The following ADAMTS12 variants were observed in gnomAD, a reference collection of about 807,000 sequenced individuals.
ADAMTS12 encodes A disintegrin and metalloproteinase with thrombospondin motifs 12.
In ADAMTS12, 118 loss-of-function variants were observed where a neutral mutation model predicts 167.8. That is an observed-to-expected ratio of 0.70 (90% CI 0.61 to 0.82). ADAMTS12 has a LOEUF of 0.82. Ranked by LOEUF, ADAMTS12 falls within the 40% of genes least tolerant of loss-of-function variation. ADAMTS12 has a pLI of 0.00. For synonymous variants in ADAMTS12, 704 were observed against 716.9 expected (o/e 0.98, Z 0.29); for missense variants, 1,916 against 1,998.8 (o/e 0.96, Z 0.79).
intron 19 of ADAMTS12, among the ~76,000 whole-genome samples, chr5:33,569,876 A>G (rs1227015319): frequency 6.6e-6 from 1 of 152,242 alleles, no homozygotes; most frequent in Non-Finnish European, 1.5e-5. Context: ...TATAACTAGA[A>G]TAACCAATAT....
At chr5:33,838,729 G>T (rs1196562655) in intron 2 of ADAMTS12, among the ~76,000 whole-genome samples, 1 of 152,008 alleles carries the variant, frequency 6.6e-6, no homozygotes, top group African/African-American at 2.4e-5. Flanking sequence ...TGGAGAGAGG[G>T]AGAAGAAAGG....
intron 2 of ADAMTS12, among the ~76,000 whole-genome samples, chr5:33,791,448 C>T (rs1746565085): frequency 6.6e-6 from 1 of 152,128 alleles, no homozygotes; most frequent in South Asian, 2.1e-4. Flanking sequence ...TATATCCTTG[C>T]TGTGCCTAGA....
At chr5:33,716,671 A>C (rs1475939887) in intron 3 of ADAMTS12, among the ~76,000 whole-genome samples, 1 of 152,204 alleles carries the variant, frequency 6.6e-6, no homozygotes, top group East Asian at 1.9e-4. Flanking sequence ...ATTGAAAATT[A>C]AATTTCAATA....
chr5:33,608,208 A>G (rs73080366), intron 16 of ADAMTS12, among the ~76,000 whole-genome samples: 2,813 of 152,306 alleles, frequency 0.018, 97 homozygotes, highest in African/African-American at 0.064. Context: ...GGGAAGGAGG[A>G]AAGACACACA....
chr5:33,726,658 G>T (rs1231701365), intron 3 of ADAMTS12, among the ~76,000 whole-genome samples: 1 of 150,886 alleles, frequency 6.6e-6, no homozygotes, highest in African/African-American at 2.5e-5. Context: ...TGGTTGAAGT[G>T]TGGCCACTGT....
intron 2 of ADAMTS12, among the ~76,000 whole-genome samples, chr5:33,780,374 G>T (rs1455874747): frequency 6.6e-6 from 1 of 152,076 alleles, no homozygotes; most frequent in African/African-American, 2.4e-5. Context: ...CTAGAATTCT[G>T]ATCTCATCAT....
chr5:33,535,266 G>C (rs1744334087), intron 22 of ADAMTS12, among the ~76,000 whole-genome samples: 1 of 152,190 alleles, frequency 6.6e-6, no homozygotes, highest in African/African-American at 2.4e-5. Context: ...AGAATGGCCT[G>C]ATGCCTTTCG....
chr5:33,772,370 T>G (rs1745770557), intron 2 of ADAMTS12, among the ~76,000 whole-genome samples: 1 of 152,070 alleles, frequency 6.6e-6, no homozygotes, highest in South Asian at 2.1e-4. Context: ...CTTCAACCCA[T>G]CTCACAGTCC....
At chr5:33,649,985 C>G (rs1740816026) in intron 7 of ADAMTS12, among the ~76,000 whole-genome samples, 1 of 152,220 alleles carries the variant, frequency 6.6e-6, no homozygotes, top group African/African-American at 2.4e-5. Flanking sequence ...GTCTGGCTTT[C>G]TTTCTATGAA....
At chr5:33,628,883 C>T (rs1412110863) in intron 13 of ADAMTS12, among the ~76,000 whole-genome samples, 1 of 152,170 alleles carries the variant, frequency 6.6e-6, no homozygotes, top group Non-Finnish European at 1.5e-5. Context: ...TCTTAACTGG[C>T]TCCCACAAAG....
At chr5:33,558,467 A>G (rs1303111069) in intron 20 of ADAMTS12, among the ~76,000 whole-genome samples, 6 of 152,150 alleles carry the variant, frequency 3.9e-5, no homozygotes, top group African/African-American at 1.2e-4. Context: ...TCAGGGCACT[A>G]CAGAGATTAA....
chr5:33,560,906 A>C (rs1745714994), intron 20 of ADAMTS12, 121 bp downstream of exon 20: 1 of 1,295,152 alleles, frequency 7.7e-7, no homozygotes, highest in African/African-American at 1.8e-5. Flanking sequence ...GTACCCTAGA[A>C]CTTTAATTAA....
intron 14 of ADAMTS12, among the ~76,000 whole-genome samples, chr5:33,616,864 C>T (rs559121063): frequency 6.6e-6 from 1 of 152,294 alleles, no homozygotes; most frequent in South Asian, 2.1e-4. Context: ...AAGAGGCATA[C>T]TGGTGAAAAA....
intron 5 of ADAMTS12, among the ~76,000 whole-genome samples, chr5:33,663,535 T>C (rs1016912657): frequency 3.3e-5 from 5 of 152,236 alleles, no homozygotes; most frequent in Non-Finnish European, 4.4e-5. Flanking sequence ...TCTCTTTTAA[T>C]TGCATCTACT....
chr5:33,776,091 T>C lies in ADAMTS12; in HGVS notation c.490-24543A>G, dbSNP rs78759729. On this transcript the variant is annotated intron_variant, in intron 2 of 23. Transcript: ENST00000504830. Reference sequence around the variant, plus strand: ...TATATGAAACAAATATCAACAGAACTGAAGGAAGAAATAGACAACAATACA... The same window carrying C: ...TATATGAAACAAATATCAACAGAACCGAAGGAAGAAATAGACAACAATACA... Among the ~76,000 whole-genome samples, 1,204 of 152,208 alleles carry C rather than the reference T, an allele frequency of 7.9e-3. 17 individuals are homozygous for C. The highest frequency in any genetic ancestry group is 0.028 in the African/African-American group (1,154 of 41,520).
intron 2 of ADAMTS12, among the ~76,000 whole-genome samples, chr5:33,838,255 T>G (rs924136018): frequency 6.6e-6 from 1 of 152,170 alleles, no homozygotes; most frequent in Non-Finnish European, 1.5e-5. Context: ...GTTATATAGT[T>G]TGTTAGATTT....
chr5:33,814,400 T>C (rs1258253483), intron 2 of ADAMTS12, among the ~76,000 whole-genome samples: 1 of 152,220 alleles, frequency 6.6e-6, no homozygotes, highest in African/African-American at 2.4e-5. Context: ...TGATTGCATG[T>C]GAGATCTGTT....
intron 17 of ADAMTS12, among the ~76,000 whole-genome samples, chr5:33,591,521 A>G (rs988853546): frequency 1.3e-5 from 2 of 152,182 alleles, no homozygotes; most frequent in African/African-American, 4.8e-5. Context: ...AAACATTTCA[A>G]ATTCTGACAA....
At chr5:33,801,877 T>A (rs1025166566) in intron 2 of ADAMTS12, among the ~76,000 whole-genome samples, 6 of 152,210 alleles carry the variant, frequency 3.9e-5, no homozygotes, top group Admixed American at 3.9e-4. Context: ...AAAGTGGAGC[T>A]TTCAGTGGAA....
Sources: allele counts gnomAD v4.1 joint callset (sites outside exome capture counted in the v4.1 genomes callset), GRCh38; gene constraint gnomAD v4.1.1; transcripts MANE v1.5; gene names NCBI Gene and HGNC (gene_info 2026-07-23, HGNC 2026-07-21).